Variants in SRP72 observed in about 807,000 individuals in gnomAD.
The protein encoded by SRP72 is signal recognition particle subunit SRP72.
A neutral mutation model predicts 96.3 loss-of-function variants in SRP72; 49 were observed. The ratio of observed to expected loss-of-function variants is 0.51; its 90% CI spans 0.40 to 0.65. SRP72 has a LOEUF of 0.65. Ranked by LOEUF, SRP72 falls within the 30% of genes least tolerant of loss-of-function variation. The pLI is 0.00. For synonymous variants in SRP72, 267 were observed against 275.2 expected, an observed-to-expected ratio of 0.97 and a Z score of 0.30; for missense variants, 736 against 793.3, an observed-to-expected ratio of 0.93 and a Z score of 0.87.
intron 13 of SRP72, 67 bp from the exon 14 acceptor site, chr4:56,490,266 A>G: frequency 7.9e-7 from 1 of 1,264,262 alleles, no homozygotes; most frequent in Non-Finnish European, 1.1e-6. Context: ...GGTCTAATGA[A>G]TATAACTGCA....
chr4:56,499,714 A>G (rs1170236912), intron 17 of SRP72, among the ~76,000 whole-genome samples: 4 of 152,214 alleles, frequency 2.6e-5, no homozygotes, highest in Non-Finnish European at 5.9e-5. Flanking sequence ...GTCAGGAAAC[A>G]ACAGATGCTG....
At chr4:56,490,690 T>TAGATATCAGAAG in intron 15 of SRP72, 45 bp downstream of exon 15, 2 of 1,484,336 alleles carry the variant, frequency 1.3e-6, no homozygotes, top group Non-Finnish European at 9.4e-7. Context: ...AGTAGCACAA[T>TAGATATCAGAAG]AGATCTCTTC....
intron 17 of SRP72, 37 bp from the exon 18 acceptor site, chr4:56,500,499 A>G (rs1422933168): frequency 6.3e-7 from 1 of 1,594,906 alleles, no homozygotes; most frequent in Admixed American, 1.7e-5. Flanking sequence ...TGAAAATATT[A>G]TGACACATCT....
chr4:56,492,957 C>T (rs865863947), intron 16 of SRP72, among the ~76,000 whole-genome samples: 2 of 152,000 alleles, frequency 1.3e-5, no homozygotes, highest in African/African-American at 4.8e-5. Context: ...TGCACCCCAG[C>T]CTGAGTGACA....
At chr4:56,471,667 G>A in intron 2 of SRP72, 53 bp from the exon 3 acceptor site, 1 of 1,595,000 alleles carries the variant, frequency 6.3e-7, no homozygotes, top group Non-Finnish European at 8.5e-7. Flanking sequence ...TATATAATGG[G>A]TGCATTGCAT....
intron 5 of SRP72, 177 bp downstream of exon 5, chr4:56,474,568 G>A (rs565418901): frequency 4.7e-6 from 3 of 634,746 alleles, no homozygotes; most frequent in African/African-American, 3.7e-5. Flanking sequence ...GAGTGGGACA[G>A]AATCTTACCC....
chr4:56,483,671 AAG>A (rs1491147191), intron 9 of SRP72, among the ~76,000 whole-genome samples: 2 of 152,166 alleles, frequency 1.3e-5, no homozygotes, highest in African/African-American at 4.8e-5. Context: ...TGTCTCCAAA[AAG>A]AAAAAAAAAA....
intron 3 of SRP72, among the ~76,000 whole-genome samples, chr4:56,473,137 A>G (rs1286414715): frequency 2.6e-5 from 4 of 152,190 alleles, no homozygotes; most frequent in African/African-American, 9.7e-5. Context: ...CTAGACCTAT[A>G]GAAAGGTGTT....
chr4:56,497,256 G>C lies in SRP72; in HGVS notation c.1678+1862G>C, dbSNP rs562373930. Among the ~76,000 whole-genome samples, 18 of 139,450 alleles carry C rather than the reference G, an allele frequency of 1.3e-4. No individual in the cohort carries two copies. The East Asian group carries it at 3.0e-3, about 23-fold the overall frequency. 91.5% of individuals were successfully genotyped at this position (139,450 alleles called of 152,430 possible). On this transcript the variant is annotated intron_variant, in intron 17 of 18. Transcript: ENST00000642900. Reference sequence around the variant, plus strand: ...TTTTTTTGAGACCGCGTCTTGCTCTGTTGCCCAGGCTGGAGTGCAGTGGCG... The same window carrying C: ...TTTTTTTGAGACCGCGTCTTGCTCTCTTGCCCAGGCTGGAGTGCAGTGGCG...
chr4:56,496,964 G>A lies in SRP72; in HGVS notation c.1678+1570G>A, dbSNP rs560525487. Among the ~76,000 whole-genome samples the A allele has an allele frequency of 6.7e-4, 102 of 152,160 alleles. 2 individuals carry two copies. The highest frequency in any genetic ancestry group is 1.4e-3 in the Non-Finnish European group (92 of 68,008). ...AGATTGCGTCACGGCACTCCAGCCTGGTGACAGAGTGAGACCCTCTCCCTG... is the reference window on the plus strand; with the variant it reads ...AGATTGCGTCACGGCACTCCAGCCTAGTGACAGAGTGAGACCCTCTCCCTG... On this transcript the variant is annotated intron_variant, in intron 17 of 18. Transcript: ENST00000642900.
In SRP72 at chr4:56,483,240, C is replaced by T. The variant is rs531649112; in HGVS notation, c.927C>T (p.Asn309=). 1.7e-4 allele frequency: 267 copies of T among 1,612,892 alleles called. 1 individual carries two copies. The South Asian group carries it at 2.7e-3, about 16-fold the overall frequency. ...SKKQLQAIEF[N]KALLAMYTNQ... is the part of the protein sequence containing the mutation. ...AACAACTACAAGCTATAGAATTTAA[C>T]AAAGCTTTACTTGCTATGTACACAA... The change falls in exon 9 of 19, where the codon AAC becomes AAT. Residue 309 remains asparagine, a synonymous_variant. Transcript: ENST00000642900.
chr4:56,491,514 A>G lies in SRP72; in HGVS notation c.1586A>G (p.Tyr529Cys). Residue 529 changes from tyrosine (Y) to cysteine (C), a missense_variant, in exon 16 of 19, where the codon TAC (tyrosine) becomes TGC (cysteine). This residue lies in a region of SRP72 where 388 missense variants were observed against 431.8 expected (regional missense o/e 0.90). Coordinates refer to ENST00000642900, the MANE Select transcript of SRP72 (RefSeq NM_006947.4). ...EALENSAGAT[Y>C]IRKKGGKVTG... is the part of the protein sequence containing the mutation. Reference sequence around the variant, plus strand: ...CTTGAAAATTCTGCTGGTGCTACATACATTCGGAAGAAGGGTGGAAAAGTT... The same window carrying G: ...CTTGAAAATTCTGCTGGTGCTACATGCATTCGGAAGAAGGGTGGAAAAGTT... 1.9e-6 allele frequency: 3 copies of G among 1,614,002 alleles called. No individual in the cohort carries two copies. Among genetic ancestry groups the G allele is most frequent in the Non-Finnish European group, 2.5e-6 (3 of 1,179,930 alleles).
chr4:56,471,637 C>T (rs1397024395), intron 2 of SRP72, 83 bp from the exon 3 acceptor site: 1 of 1,479,820 alleles, frequency 6.8e-7, no homozygotes, highest in African/African-American at 1.4e-5. Flanking sequence ...GGACTAAATC[C>T]AGTGTTTAGA....
chr4:56,483,037 A>G (rs1483422496), intron 8 of SRP72, 102 bp from the exon 9 acceptor site: 10 of 1,086,094 alleles, frequency 9.2e-6, no homozygotes, highest in African/African-American at 1.6e-5. Context: ...AATCAGGTAG[A>G]TAGATTCAAG....
Position 56,477,297 on chromosome 4 carries a change from C to CTTT in SRP72, c.642+596_642+597insTTT, listed in dbSNP as rs1560677869. 15 of 114,838 alleles carry CTTT rather than the reference C, an allele frequency of 1.3e-4. No individual in the cohort carries two copies. In the South Asian group the frequency reaches 2.6e-3, roughly 20 times the overall value. The allele number at this position is 114,838 out of a possible 1,614,324, so 7.1% of individuals were successfully genotyped here. A position where few individuals can be genotyped will look rare whatever the true frequency, so the allele number is the denominator to read the frequency against. On this transcript the variant is annotated intron_variant, in intron 6 of 18. Transcript: ENST00000642900. ...CACATTCATAGTTCTCTCTCTCTCT[C>CTTT]TCTCTTTTTTTTTTTTTTTTTTTTT...
chr4:56,475,170 G>T (rs1025992393), intron 5 of SRP72, among the ~76,000 whole-genome samples: 1 of 149,024 alleles, frequency 6.7e-6, no homozygotes, highest in Admixed American at 6.6e-5. Context: ...AATATTAGGG[G>T]TTAAAATGAG....
chr4:56,498,613 C>T (rs1259236722), intron 17 of SRP72, among the ~76,000 whole-genome samples: 1 of 152,150 alleles, frequency 6.6e-6, no homozygotes, highest in Non-Finnish European at 1.5e-5. Flanking sequence ...CACAAGCTTT[C>T]CTGTACACCA....
At chr4:56,478,872 A>G (rs1720355550) in intron 8 of SRP72, among the ~76,000 whole-genome samples, 1 of 152,186 alleles carries the variant, frequency 6.6e-6, no homozygotes, top group Admixed American at 6.5e-5. Flanking sequence ...CCTAGACTTT[A>G]AGATCCTCCC....
intron 3 of SRP72, 60 bp from the exon 4 acceptor site, chr4:56,473,994 G>T: frequency 6.5e-7 from 1 of 1,531,206 alleles, no homozygotes; most frequent in South Asian, 1.3e-5. Flanking sequence ...AGGTTTGCAT[G>T]ATATTAAAGA....
Sources: gnomAD v4.1 joint callset for allele counts (sites outside exome capture counted in the v4.1 genomes callset) on GRCh38, gnomAD v4.1.1 for gene constraint, gnomAD v4.1.1 regional missense constraint, MANE v1.5 for transcripts, NCBI Gene and HGNC (gene_info 2026-07-23, HGNC 2026-07-21) for gene names.